Variants in TEAD1 observed in about 807,000 individuals in gnomAD.
TEAD1 encodes transcriptional enhancer factor TEF-1.
A neutral mutation model predicts 54.9 loss-of-function variants in TEAD1; 9 were observed. The ratio of observed to expected loss-of-function variants is 0.16; its 90% confidence interval spans 0.10 to 0.29. The LOEUF (loss-of-function observed/expected upper bound fraction) is 0.29, where lower values mean the gene tolerates loss of function less well. TEAD1 is among the 10% of genes least tolerant of loss of function. TEAD1 has a pLI of 1.00. For missense variants in TEAD1, 387 were observed against 535.9 expected (o/e 0.72, Z 2.74); for synonymous variants, 200 against 187.8 (o/e 1.07, Z -0.53).
intron 10 of TEAD1, among the ~76,000 whole-genome samples, chr11:12,911,122 A>C (rs1177128431): frequency 6.6e-6 from 1 of 152,244 alleles, no homozygotes; most frequent in Non-Finnish European, 1.5e-5. Context: ...CAGATGTGAG[A>C]AGATTTTATA....
rs535856662 is a variant in TEAD1 at position 12,750,832 on chromosome 11, C to T, written c.-54-13347C>T. ...AAATGCCACCTCCCTGAGAAACTCT[C>T]ATTGATCCGAGAGACAGAATAAACT... On this transcript the variant is annotated intron_variant, in intron 2 of 12. Transcript: ENST00000527636. Among the ~76,000 whole-genome samples, 67 of 152,328 alleles carry T rather than the reference C, an allele frequency of 4.4e-4. 1 individual carries two copies. Among genetic ancestry groups the T allele is most frequent in the African/African-American group, 1.6e-3 (66 of 41,568 alleles).
At chr11:12,708,098 G>C (rs983838108) in intron 2 of TEAD1, among the ~76,000 whole-genome samples, 1 of 150,356 alleles carries the variant, frequency 6.7e-6, no homozygotes, top group African/African-American at 2.5e-5. Flanking sequence ...TGATGAGTGG[G>C]GATATAAATC....
At chr11:12,714,790 C>T (rs1944019493) in intron 2 of TEAD1, among the ~76,000 whole-genome samples, 2 of 152,158 alleles carry the variant, frequency 1.3e-5, no homozygotes, top group South Asian at 4.1e-4. Context: ...TAATGGTCTT[C>T]TTGCTGTGTC....
intron 3 of TEAD1, among the ~76,000 whole-genome samples, chr11:12,848,039 G>A (rs1358438971): frequency 6.6e-6 from 1 of 152,206 alleles, no homozygotes; most frequent in Non-Finnish European, 1.5e-5. Flanking sequence ...GGGTCAGTGA[G>A]CCAGAGCATG....
intron 10 of TEAD1, chr11:12,904,879 C>G: frequency 2.8e-6 from 1 of 359,010 alleles, no homozygotes; most frequent in South Asian, 2.4e-5. Context: ...CCTGTTACGG[C>G]AAATTCAAAA....
chr11:12,815,249 C>G (rs1387667808), intron 3 of TEAD1, among the ~76,000 whole-genome samples: 4 of 152,118 alleles, frequency 2.6e-5, no homozygotes, highest in Non-Finnish European at 4.4e-5. Context: ...TTCCCTCCCT[C>G]CCATCCTCCC....
chr11:12,729,731 T>G (rs2133876993), intron 2 of TEAD1, among the ~76,000 whole-genome samples: 1 of 152,296 alleles, frequency 6.6e-6, no homozygotes, highest in African/African-American at 2.4e-5. Flanking sequence ...AAGTTGTGTC[T>G]GCTTCCAACC....
intron 1 of TEAD1, among the ~76,000 whole-genome samples, chr11:12,675,094 C>G (rs1943049276): frequency 6.8e-6 from 1 of 146,496 alleles, no homozygotes; most frequent in Non-Finnish European, 1.5e-5. Flanking sequence ...CGGCAACAGG[C>G]GGCCCCCGGC....
chr11:12,892,772 C>A lies in TEAD1; in HGVS notation c.700-9168C>A, dbSNP rs147493068. On this transcript the variant is annotated intron_variant, in intron 9 of 12. Transcript: ENST00000527636. Reference sequence around the variant, plus strand: ...GCACCGGTGTCTCTGGAGGAGCTTCCTAGTTTTATAGTGGCTGCTGAGGCA... The same window carrying A: ...GCACCGGTGTCTCTGGAGGAGCTTCATAGTTTTATAGTGGCTGCTGAGGCA... 1.5e-3 allele frequency among the ~76,000 whole-genome samples: 231 copies of A among 152,250 alleles called. 3 individuals carry two copies. In the East Asian group the frequency reaches 0.025, roughly 17 times the overall value.
intron 3 of TEAD1, among the ~76,000 whole-genome samples, chr11:12,786,012 A>T (rs1945669776): frequency 6.6e-6 from 1 of 152,134 alleles, no homozygotes; most frequent in Admixed American, 6.5e-5. Context: ...GAGCTCAGCA[A>T]CTCAGCCATG....
intron 8 of TEAD1, 31 bp from the exon 9 acceptor site, chr11:12,882,970 C>T (rs1247860640): frequency 1.2e-6 from 2 of 1,614,078 alleles, no homozygotes; most frequent in East Asian, 2.2e-5. Flanking sequence ...AGGTGAGTGA[C>T]CAGCATCAAA....
chr11:12,846,927 G>A (rs1273685302), intron 3 of TEAD1, among the ~76,000 whole-genome samples: 1 of 152,186 alleles, frequency 6.6e-6, no homozygotes, highest in African/African-American at 2.4e-5. Flanking sequence ...TGTGCTTGTG[G>A]CTTCCTCTTT....
At chr11:12,934,700 A>G (rs1216691624) in intron 12 of TEAD1, among the ~76,000 whole-genome samples, 1 of 152,112 alleles carries the variant, frequency 6.6e-6, no homozygotes. Flanking sequence ...ACCTTGATTT[A>G]TAAACAGAAT....
chr11:12,837,795 C>CCTTCT (rs1946935751), intron 3 of TEAD1, among the ~76,000 whole-genome samples: 1 of 134,430 alleles, frequency 7.4e-6, no homozygotes. Context: ...TTCCTTCTTT[C>CCTTCT]TTCCTTCTTC....
intron 10 of TEAD1, among the ~76,000 whole-genome samples, chr11:12,903,332 A>G (rs891310000): frequency 2.0e-5 from 3 of 152,198 alleles, no homozygotes; most frequent in East Asian, 1.9e-4. Flanking sequence ...CTAAGCCTCT[A>G]CGTATCTCTA....
At chr11:12,738,397 A>G (rs941562397) in intron 2 of TEAD1, among the ~76,000 whole-genome samples, 4 of 152,184 alleles carry the variant, frequency 2.6e-5, no homozygotes, top group Non-Finnish European at 5.9e-5. Context: ...GTGTCTGACA[A>G]ATTGATCAAA....
chr11:12,753,971 A>G (rs1193549871), intron 2 of TEAD1, among the ~76,000 whole-genome samples: 2 of 152,168 alleles, frequency 1.3e-5, no homozygotes, highest in Non-Finnish European at 2.9e-5. Flanking sequence ...AACCTGGCTC[A>G]TGTATCAGGA....
At chr11:12,882,094 GGTAGCCT>G (rs1159845221) in intron 8 of TEAD1, 137 bp downstream of exon 8, 5 of 917,134 alleles carry the variant, frequency 5.5e-6, no homozygotes, top group Non-Finnish European at 8.7e-6. Context: ...AGGATCCTTG[GGTAGCCT>G]GTAGCTCAGG....
chr11:12,883,451 A>C (rs1320273313), intron 9 of TEAD1, among the ~76,000 whole-genome samples: 1 of 152,174 alleles, frequency 6.6e-6, no homozygotes, highest in Admixed American at 6.5e-5. Flanking sequence ...GAGCCTTGCC[A>C]TATGCCTGGT....
Sources: allele counts gnomAD v4.1 joint callset (sites outside exome capture counted in the v4.1 genomes callset), GRCh38; gene constraint gnomAD v4.1.1; transcripts MANE v1.5; gene names NCBI Gene and HGNC (gene_info 2026-07-23, HGNC 2026-07-21).